TMEM132D: variants seen among roughly 807,000 people sequenced by gnomAD.
TMEM132D encodes the protein mature OL transmembrane protein.
In TMEM132D, 21 loss-of-function variants were observed where a neutral mutation model predicts 62.3. The observed-to-expected ratio is 0.34, with a 90% CI of 0.24 to 0.49. The LOEUF (loss-of-function observed/expected upper bound fraction) is 0.49, where lower values mean the gene tolerates loss of function less well. TMEM132D is among the 20% of genes least tolerant of loss of function. The pLI, the probability that TMEM132D is intolerant of heterozygous loss-of-function variation, is 0.99. For synonymous variants in TMEM132D, 621 were observed against 575.6 expected (o/e 1.08, Z -1.13); for missense variants, 1,346 against 1,402.8 (o/e 0.96, Z 0.65).
At chr12:129,479,661 G>T (rs116203775) in intron 3 of TMEM132D, among the ~76,000 whole-genome samples, 4,008 of 152,306 alleles carry the variant, frequency 0.026, 173 homozygotes, top group African/African-American at 0.091. Flanking sequence ...TCATAAAAAA[G>T]TAAAGCCCGT....
intron 1 of TMEM132D, among the ~76,000 whole-genome samples, chr12:129,818,953 T>C (rs1430278485): frequency 6.6e-6 from 1 of 151,750 alleles, no homozygotes; most frequent in Non-Finnish European, 1.5e-5. Flanking sequence ...GAGGATTGCT[T>C]GAACCCAGGA....
At chr12:129,766,950 T>G (rs1366313473) in intron 1 of TMEM132D, among the ~76,000 whole-genome samples, 1 of 152,200 alleles carries the variant, frequency 6.6e-6, no homozygotes. Context: ...ACAGATTAGC[T>G]TGCCCTCTAA....
intron 5 of TMEM132D, among the ~76,000 whole-genome samples, chr12:129,121,994 C>T (rs984776975): frequency 6.6e-6 from 1 of 152,138 alleles, no homozygotes; most frequent in Non-Finnish European, 1.5e-5. Flanking sequence ...GGATGGCAGG[C>T]TCATGGAAGC....
At chr12:129,095,955 A>G (rs1031238010) in intron 5 of TMEM132D, among the ~76,000 whole-genome samples, 2 of 152,064 alleles carry the variant, frequency 1.3e-5, no homozygotes, top group African/African-American at 4.8e-5. Flanking sequence ...CTGCTTTCCT[A>G]TTCCAGGAGG....
At chr12:129,139,903 A>G (rs1223206883) in intron 5 of TMEM132D, among the ~76,000 whole-genome samples, 1 of 151,320 alleles carries the variant, frequency 6.6e-6, no homozygotes, top group African/African-American at 2.4e-5. Flanking sequence ...TTTTGTAGAG[A>G]CAGTGTTTTA....
chr12:129,897,389 T>C (rs985451956), intron 1 of TMEM132D, among the ~76,000 whole-genome samples: 4 of 152,152 alleles, frequency 2.6e-5, no homozygotes, highest in African/African-American at 9.7e-5. Context: ...AGACCACTGA[T>C]GTGTCACCTA....
At chr12:129,430,425 G>A (rs563297519) in intron 3 of TMEM132D, among the ~76,000 whole-genome samples, 17 of 152,048 alleles carry the variant, frequency 1.1e-4, no homozygotes, top group African/African-American at 4.1e-4. Flanking sequence ...CTTTTTGATG[G>A]GGTTTTTTCT....
intron 2 of TMEM132D, among the ~76,000 whole-genome samples, chr12:129,580,987 G>C (rs1440865635): frequency 6.6e-6 from 1 of 152,168 alleles, no homozygotes; most frequent in African/African-American, 2.4e-5. Flanking sequence ...AAATGCTGTA[G>C]TTTCTATATC....
At chr12:129,774,816 G>T (rs1009902611) in intron 1 of TMEM132D, among the ~76,000 whole-genome samples, 1 of 152,186 alleles carries the variant, frequency 6.6e-6, no homozygotes, top group Admixed American at 6.5e-5. Context: ...TCTCTACAGT[G>T]AGTCTGTTGG....
intron 2 of TMEM132D, among the ~76,000 whole-genome samples, chr12:129,545,243 T>C (rs898210955): frequency 2.0e-5 from 3 of 152,118 alleles, no homozygotes; most frequent in Non-Finnish European, 4.4e-5. Flanking sequence ...TGTCAGCCCA[T>C]GGGAAGGGAG....
rs1056265207 is a variant in TMEM132D at position 129,421,724 on chromosome 12, G to A, written c.1116-83907C>T. On this transcript the variant is annotated intron_variant, in intron 3 of 8. Transcript: ENST00000422113. ...TACACTGCTGGATTTGTTTGTTAAT[G>A]TTTTATGTATGGCTTTTGTACCCGT... Among the ~76,000 whole-genome samples the A allele has an allele frequency of 6.6e-5, 10 of 152,144 alleles. 1 individual carries two copies. Among genetic ancestry groups the A allele is most frequent in the Non-Finnish European group, 7.4e-5 (5 of 68,026 alleles).
chr12:129,636,671 G>A (rs1381870737), intron 2 of TMEM132D, among the ~76,000 whole-genome samples: 1 of 143,150 alleles, frequency 7.0e-6, no homozygotes, highest in African/African-American at 2.5e-5. Flanking sequence ...ATTTTCCCAG[G>A]TAATGACCAA....
At chr12:129,468,418 C>T (rs1873987716) in intron 3 of TMEM132D, among the ~76,000 whole-genome samples, 1 of 152,142 alleles carries the variant, frequency 6.6e-6, no homozygotes, top group East Asian at 1.9e-4. Flanking sequence ...TTCTGTATTG[C>T]AAAGAAGACC....
intron 3 of TMEM132D, among the ~76,000 whole-genome samples, chr12:129,507,829 A>C (rs1875382609): frequency 6.6e-6 from 1 of 152,188 alleles, no homozygotes; most frequent in South Asian, 2.1e-4. Flanking sequence ...ATGTAACCAA[A>C]CACCACCTGT....
chr12:129,155,106 T>C (rs1443122144), intron 5 of TMEM132D, among the ~76,000 whole-genome samples: 1 of 152,270 alleles, frequency 6.6e-6, no homozygotes, highest in Admixed American at 6.5e-5. Context: ...ATTCCTTACA[T>C]TTGTAAAACA....
chr12:129,624,007 C>A (rs1440986952), intron 2 of TMEM132D, among the ~76,000 whole-genome samples: 2 of 152,100 alleles, frequency 1.3e-5, no homozygotes, highest in Non-Finnish European at 2.9e-5. Flanking sequence ...TAGCGCACAG[C>A]ACAATGTCAT....
intron 1 of TMEM132D, among the ~76,000 whole-genome samples, chr12:129,847,894 C>G (rs1873414694): frequency 6.6e-6 from 1 of 152,074 alleles, no homozygotes. Context: ...CATGGGGCAG[C>G]CTTCAGAGGA....
intron 2 of TMEM132D, among the ~76,000 whole-genome samples, chr12:129,696,318 T>C (rs1285016199): frequency 1.3e-5 from 2 of 152,216 alleles, no homozygotes; most frequent in Non-Finnish European, 2.9e-5. Context: ...ATCACAGTGC[T>C]AGGCATATGG....
At chr12:129,159,582 C>A (rs1386147636) in intron 5 of TMEM132D, among the ~76,000 whole-genome samples, 3 of 151,914 alleles carry the variant, frequency 2.0e-5, no homozygotes, top group Admixed American at 6.5e-5. Flanking sequence ...CAGGGCAAAA[C>A]CCTGTCTCTA....
Sources: gnomAD v4.1 joint callset for allele counts (sites outside exome capture counted in the v4.1 genomes callset) on GRCh38, gnomAD v4.1.1 for gene constraint, MANE v1.5 for transcripts, NCBI Gene and HGNC (gene_info 2026-07-23, HGNC 2026-07-21) for gene names.